INSC: variants seen among roughly 807,000 people sequenced by gnomAD.
INSC encodes the protein INSC spindle orientation adaptor protein, also known as protein inscuteable homolog.
Under a neutral mutation model 58.6 loss-of-function variants are expected in INSC, and 67 were observed. The ratio of observed to expected loss-of-function variants is 1.14; its 90% confidence interval spans 0.94 to 1.40. The LOEUF is 1.40. INSC is among the 40% of genes most tolerant of loss of function. INSC has a pLI of 0.00. For missense variants in INSC, 714 were observed against 692.0 expected, an observed-to-expected ratio of 1.03 and a Z score of -0.36; for synonymous variants, 262 against 276.1, an observed-to-expected ratio of 0.95 and a Z score of 0.51.
intron 5 of INSC, chr11:15,188,202 G>T (rs1237361369): frequency 7.1e-6 from 7 of 985,414 alleles, no homozygotes; most frequent in Non-Finnish European, 7.2e-6. Context: ...CACAAGCTCG[G>T]GTTACCAATA....
chr11:15,185,866 A>G lies in INSC; in HGVS notation c.580-4835A>G, dbSNP rs558451536. The stretch of plus-strand genomic sequence containing the variant: ...CAACTTTGTTTTTTAAACTTATGAT[A>G]AAAAAATTTAGCTGTCAAATTAAAA... On this transcript the variant is annotated intron_variant, in intron 5 of 12. Transcript: ENST00000379556. 4.6e-5 allele frequency among the ~76,000 whole-genome samples: 7 copies of G among 152,302 alleles called. No homozygotes were observed. In the East Asian group the frequency reaches 1.3e-3, roughly 29 times the overall value.
At chr11:15,260,130 G>C in the INSC span, among the ~76,000 whole-genome samples, 1 of 152,100 alleles carries the variant, frequency 6.6e-6, no homozygotes, top group Non-Finnish European at 1.5e-5. Flanking sequence ...GAGGGAGGCC[G>C]ACCCACATCC....
chr11:15,226,311 G>T (rs530243810), intron 9 of INSC, among the ~76,000 whole-genome samples: 1 of 152,294 alleles, frequency 6.6e-6, no homozygotes, highest in African/African-American at 2.4e-5. Flanking sequence ...AGAAACAGGG[G>T]CTTGGAGCAG....
At position 15,240,478 on chromosome 11, in the gene INSC, C is replaced by T. The variant is rs746206979; in HGVS notation, c.1425C>T (p.Ser475=). Residue 475 remains serine, a synonymous_variant, in exon 12 of 13, where the codon TCC becomes TCT. Transcript: ENST00000379556. ...CCCGTCTCATCGAGCTCTGCAGATC[C>T]CCATCAGAGAGGAACAGCAGTGACG... The part of the protein sequence containing the change: ...CMSRLIELCR[S]PSERNSSDAV... 11 of 1,613,828 alleles carry T rather than the reference C, an allele frequency of 6.8e-6. No homozygotes were observed. The African/African-American group carries it at 9.3e-5, about 14-fold the overall frequency.
chr11:15,187,281 G>T lies in INSC; in HGVS notation c.580-3420G>T, dbSNP rs527274756. Among the ~76,000 whole-genome samples the T allele has an allele frequency of 2.4e-4, 37 of 151,832 alleles. 1 individual carries two copies. In the South Asian group the frequency reaches 7.3e-3, roughly 30 times the overall value. On this transcript the variant is annotated intron_variant, in intron 5 of 12. Transcript: ENST00000379556. ...CTTCTGCCAAATGCTTGCTTCTATTGGTCAAGCAAGGCATTAAGACCAGAT... is the reference window on the plus strand; with the variant it reads ...CTTCTGCCAAATGCTTGCTTCTATTTGTCAAGCAAGGCATTAAGACCAGAT...
At chr11:15,254,316 T>C in the INSC span, among the ~76,000 whole-genome samples, 3 of 152,308 alleles carry the variant, frequency 2.0e-5, no homozygotes, top group East Asian at 5.8e-4. Flanking sequence ...GTAGAGCCAT[T>C]GTCCTCCAGC....
intron 7 of INSC, among the ~76,000 whole-genome samples, chr11:15,215,327 A>T (rs903544487): frequency 6.6e-6 from 1 of 152,190 alleles, no homozygotes; most frequent in African/African-American, 2.4e-5. Flanking sequence ...ACAACAAGGG[A>T]TGGGAAGTGG....
chr11:15,210,651 A>G (rs1295358730), intron 7 of INSC, among the ~76,000 whole-genome samples: 12 of 152,030 alleles, frequency 7.9e-5, no homozygotes, highest in Admixed American at 7.9e-4. Context: ...AAGTCTGATG[A>G]AAACACAGTG....
chr11:15,113,119 C>CTCTTTCTTTCTTTCTTTCTTTCTTTCTT (rs746409775), upstream of INSC, among the ~76,000 whole-genome samples: 219 of 73,282 alleles, frequency 3.0e-3, 11 homozygotes, highest in African/African-American at 9.2e-3. Context: ...TTCTCTCTCT[C>CTCTTTCTTTCTTTCTTTCTTTCTTTCTT]TCTTTCTTTC....
chr11:15,144,603 GTTGACAGCCCTAATA>G (rs1274410846), intron 1 of INSC, among the ~76,000 whole-genome samples: 25 of 152,180 alleles, frequency 1.6e-4, no homozygotes, highest in African/African-American at 5.1e-4. Flanking sequence ...TCCCTTCCAT[GTTGACAGCCCTAATA>G]TTGACAGCCC....
chr11:15,238,767 G>T (rs192084396), intron 10 of INSC, 152 bp from the exon 11 acceptor site: 67 of 691,382 alleles, frequency 9.7e-5, no homozygotes, highest in Non-Finnish European at 2.6e-5. Context: ...AGGCATGGAG[G>T]AACAGCCTTG....
chr11:15,154,082 T>C (rs1417080968), intron 2 of INSC, among the ~76,000 whole-genome samples: 1 of 152,230 alleles, frequency 6.6e-6, no homozygotes, highest in Non-Finnish European at 1.5e-5. Context: ...GGTAGGCCAA[T>C]AACAATTTAT....
intron 2 of INSC, among the ~76,000 whole-genome samples, chr11:15,169,879 A>G (rs1282427882): frequency 6.6e-6 from 1 of 152,176 alleles, no homozygotes; most frequent in Admixed American, 6.5e-5. Context: ...CACATTTGTC[A>G]CAACTAAGGG....
At chr11:15,154,887 CT>C (rs1421919308) in intron 2 of INSC, among the ~76,000 whole-genome samples, 1 of 152,176 alleles carries the variant, frequency 6.6e-6, no homozygotes, top group Non-Finnish European at 1.5e-5. Context: ...TCTTCCCATT[CT>C]TTCCTGTGAA....
chr11:15,136,824 T>C (rs1054158921), intron 1 of INSC, among the ~76,000 whole-genome samples: 15 of 152,194 alleles, frequency 9.9e-5, no homozygotes, highest in African/African-American at 3.1e-4. Context: ...TCCAAATTCC[T>C]GTTAATATTG....
At chr11:15,121,927 C>T (rs561488656) in intron 1 of INSC, among the ~76,000 whole-genome samples, 7 of 152,142 alleles carry the variant, frequency 4.6e-5, no homozygotes, top group Non-Finnish European at 1.0e-4. Flanking sequence ...TGTGCTCTTC[C>T]TTACTATTTA....
At chr11:15,266,901 A>G in the INSC span, among the ~76,000 whole-genome samples, 3 of 151,992 alleles carry the variant, frequency 2.0e-5, no homozygotes, top group African/African-American at 7.2e-5. Context: ...CTCAGAGATG[A>G]TGGGCTATAT....
chr11:15,260,918 G>T, the INSC span, among the ~76,000 whole-genome samples: 2 of 152,190 alleles, frequency 1.3e-5, no homozygotes, highest in Non-Finnish European at 1.5e-5. Flanking sequence ...AGAGTCTAAA[G>T]ATATTGGGTG....
rs1852545779 is a variant in INSC at position 15,245,927 on chromosome 11, T to C, written c.1486T>C (p.Leu496=). 1 of 1,614,182 alleles carries C rather than the reference T, an allele frequency of 6.2e-7. No homozygotes were observed. Among genetic ancestry groups the C allele is most frequent in the South Asian group, 1.1e-5 (1 of 91,082 alleles). The change falls in exon 13 of 13, where the codon TTG becomes CTG. Residue 496 remains leucine, a synonymous_variant. Coordinates refer to ENST00000379556, the MANE Select transcript of INSC (RefSeq NM_001042536.3). ...TTCTCCCCAGGCTGCTCTGCGTAGA[T>C]TGGCTGGGGTCTGCCCTGAAGGCCT... ...LVACLAALRR[L]AGVCPEGLQD...
Sources: gnomAD v4.1 joint callset for allele counts (sites outside exome capture counted in the v4.1 genomes callset) on GRCh38, gnomAD v4.1.1 for gene constraint, MANE v1.5 for transcripts, NCBI Gene and HGNC (gene_info 2026-07-23, HGNC 2026-07-21) for gene names.